IQSEC1: variants seen among roughly 807,000 people sequenced by gnomAD.
IQSEC1 encodes IQ motif and SEC7 domain-containing protein 1.
A neutral mutation model predicts 91.0 loss-of-function variants in IQSEC1; 31 were observed. The observed-to-expected ratio is 0.34, with a 90% CI of 0.26 to 0.46. The LOEUF (loss-of-function observed/expected upper bound fraction) is 0.46. Ranked by LOEUF, IQSEC1 falls within the 20% of genes least tolerant of loss-of-function variation. The pLI, the probability that IQSEC1 is intolerant of heterozygous loss-of-function variation, is 1.00. For synonymous variants in IQSEC1, 699 were observed against 662.6 expected (o/e 1.05, Z -0.84); for missense variants, 1,388 against 1,575.6 (o/e 0.88, Z 2.02).
At position 13,100,763 on chromosome 3, in the gene IQSEC1, G is replaced by A. The variant is rs1196061743; in HGVS notation, c.303-53241C>T. On this transcript the variant is annotated intron_variant, in intron 2 of 15. Coordinates refer to the IQSEC1 transcript ENST00000648114. ...ATTCTACAAATGTTCATTGGACACT[G>A]GTCTGGGCCATGGGGATTGAGCAGT... is the stretch of plus-strand genomic sequence containing the variant. 1.3e-5 allele frequency among the ~76,000 whole-genome samples: 2 copies of A among 148,908 alleles called. 1 individual carries two copies. Among genetic ancestry groups the A allele is most frequent in the African/African-American group, 5.1e-5 (2 of 39,578 alleles).
At chr3:13,109,281 T>C (rs1267644792) in intron 2 of IQSEC1, among the ~76,000 whole-genome samples, 3 of 152,148 alleles carry the variant, frequency 2.0e-5, no homozygotes, top group Non-Finnish European at 2.9e-5. Context: ...CCCACCACTC[T>C]TTTTTCTTCT....
At chr3:12,938,417 C>G (rs1036879428) in intron 2 of IQSEC1, among the ~76,000 whole-genome samples, 1 of 151,914 alleles carries the variant, frequency 6.6e-6, no homozygotes, top group East Asian at 1.9e-4. Context: ...CATGCCCATG[C>G]GTGCTGCCTG....
intron 2 of IQSEC1, among the ~76,000 whole-genome samples, chr3:12,937,180 G>A (rs1404815248): frequency 4.6e-5 from 7 of 152,086 alleles, no homozygotes; most frequent in East Asian, 1.9e-4. Context: ...TGATCCACCC[G>A]CCTCGCCCTC....
At chr3:13,197,965 G>A (rs1434385813) in intron 1 of IQSEC1, among the ~76,000 whole-genome samples, 1 of 152,224 alleles carries the variant, frequency 6.6e-6, no homozygotes, top group African/African-American at 2.4e-5. Flanking sequence ...TGTGTGCACA[G>A]CGTGCACCCG....
At chr3:13,183,512 G>A (rs1693881405) in intron 1 of IQSEC1, among the ~76,000 whole-genome samples, 1 of 151,868 alleles carries the variant, frequency 6.6e-6, no homozygotes, top group African/African-American at 2.4e-5. Flanking sequence ...GTTGCAGTGA[G>A]CCAAGATCAT....
At chr3:13,219,774 G>A (rs534865496) in intron 1 of IQSEC1, among the ~76,000 whole-genome samples, 38 of 152,360 alleles carry the variant, frequency 2.5e-4, no homozygotes, top group African/African-American at 9.1e-4. Context: ...CAGAGGTGGG[G>A]TGGTGCCTCT....
At position 12,899,552 on chromosome 3, in the gene IQSEC1, G is replaced by A; in HGVS notation, c.*1431C>T. ...CGACAAGAGCACAGCTGAGAGTCATGTGATGCCCTGGCAGCTCACTGGACC... is the reference window on the plus strand; with the variant it reads ...CGACAAGAGCACAGCTGAGAGTCATATGATGCCCTGGCAGCTCACTGGACC... On this transcript the variant is annotated 3_prime_UTR_variant, in exon 14 of 14. Transcript: ENST00000613206. 6.6e-7 allele frequency: 1 copy of A among 1,503,822 alleles called. No individual in the cohort carries two copies. The highest frequency in any genetic ancestry group is 1.3e-5 in the South Asian group (1 of 79,998). The allele number at this position is 1,503,822 out of a possible 1,614,324, so 93.2% of individuals were successfully genotyped here.
In IQSEC1 at chr3:12,908,346, T is replaced by C. The variant is rs1468179495; in HGVS notation, c.2755+3A>G. On this transcript the variant is annotated splice_donor_region_variant and intron_variant, in intron 12 of 13. Coordinates refer to ENST00000613206, the MANE Select transcript of IQSEC1 (RefSeq NM_001134382.3). This position sits in a 1 kb window ranked among gnomAD's most constrained non-coding sequence, Gnocchi z 4.9. ...GCAAGGTGGTTCTAGGCCAAGCTCT[T>C]ACCGGCTTCCGAGAGGTCCCGCAGG... 1 of 1,611,206 alleles carries C rather than the reference T, an allele frequency of 6.2e-7. No individual in the cohort carries two copies. The highest frequency in any genetic ancestry group is 8.5e-7 in the Non-Finnish European group (1 of 1,179,924).
intron 1 of IQSEC1, among the ~76,000 whole-genome samples, chr3:12,997,142 A>T (rs1210835117): frequency 6.6e-6 from 1 of 152,268 alleles, no homozygotes; most frequent in Non-Finnish European, 1.5e-5. Context: ...ACTTTGTCCT[A>T]GGATGGACAG....
intron 2 of IQSEC1, among the ~76,000 whole-genome samples, chr3:13,151,526 AG>A (rs2124960474): frequency 6.6e-6 from 1 of 152,366 alleles, no homozygotes; most frequent in East Asian, 1.9e-4. Context: ...AGCAAAGTTC[AG>A]AATGGGAGCA....
chr3:13,150,793 G>A (rs371275046), intron 2 of IQSEC1, among the ~76,000 whole-genome samples: 18 of 152,344 alleles, frequency 1.2e-4, no homozygotes, highest in African/African-American at 3.4e-4. Context: ...AGGCAAGTAC[G>A]TGGGAAAGTG....
chr3:13,099,204 G>A (rs1706016407), intron 2 of IQSEC1, among the ~76,000 whole-genome samples: 1 of 152,214 alleles, frequency 6.6e-6, no homozygotes, highest in Admixed American at 6.5e-5. Context: ...CCCCTGGAGA[G>A]GGGTGAGGAG....
At chr3:13,250,043 T>C (rs188862363) in intron 1 of IQSEC1, among the ~76,000 whole-genome samples, 87 of 152,352 alleles carry the variant, frequency 5.7e-4, no homozygotes, top group Admixed American at 2.6e-3. Context: ...GCGGTCTCAT[T>C]TTTGTGGCTG....
chr3:13,154,551 T>A (rs1013269782), intron 2 of IQSEC1, among the ~76,000 whole-genome samples: 4 of 145,454 alleles, frequency 2.8e-5, no homozygotes, highest in Non-Finnish European at 4.5e-5. Flanking sequence ...GGTGCTTCAA[T>A]ACCCTGTTCT....
At chr3:13,097,785 T>G (rs551251755) in intron 2 of IQSEC1, among the ~76,000 whole-genome samples, 1 of 152,362 alleles carries the variant, frequency 6.6e-6, no homozygotes, top group East Asian at 1.9e-4. Flanking sequence ...GCATTCAACT[T>G]TAAATTGATT....
intron 2 of IQSEC1, among the ~76,000 whole-genome samples, chr3:13,128,709 C>CCAA (rs989223041): frequency 4.0e-5 from 6 of 151,672 alleles, no homozygotes; most frequent in African/African-American, 7.3e-5. Flanking sequence ...ACTAAAAATA[C>CCAA]CAACAACAAC....
intron 1 of IQSEC1, among the ~76,000 whole-genome samples, chr3:13,179,074 C>T (rs1693788591): frequency 2.0e-5 from 3 of 152,314 alleles, no homozygotes; most frequent in Middle Eastern, 6.8e-3. Context: ...CTCCCTGCTA[C>T]ATAAACCCCT....
At chr3:12,911,023 C>A (rs1169820872) in intron 10 of IQSEC1, among the ~76,000 whole-genome samples, 4 of 152,180 alleles carry the variant, frequency 2.6e-5, no homozygotes, top group African/African-American at 9.7e-5. Context: ...CAGGTGTGAG[C>A]CTCCCAAACT....
chr3:12,998,853 C>G (rs1158634523), intron 1 of IQSEC1, among the ~76,000 whole-genome samples: 2 of 151,698 alleles, frequency 1.3e-5, no homozygotes, highest in Non-Finnish European at 2.9e-5. Flanking sequence ...TTGTGGGCAG[C>G]TATAAAGTGG....
Sources: gnomAD v4.1 joint callset for allele counts (sites outside exome capture counted in the v4.1 genomes callset) on GRCh38, gnomAD v4.1.1 for gene constraint, Gnocchi (gnomAD v3.1) non-coding constraint, MANE v1.5 for transcripts, NCBI Gene and HGNC (gene_info 2026-07-23, HGNC 2026-07-21) for gene names.